IL7: variants seen among roughly 807,000 people sequenced by gnomAD.
IL7 encodes the protein interleukin 7, also known as interleukin-7.
Under a neutral mutation model 21.6 loss-of-function variants are expected in IL7, and 3 were observed. The ratio of observed to expected loss-of-function variants is 0.14; its 90% CI spans 0.06 to 0.36. The LOEUF is 0.36. Among genes scored for constraint, IL7 ranks in the 10% least tolerant of loss-of-function variants. The probability of loss-of-function intolerance (pLI) is 1.00; values close to 1 mark genes in which losing one functional copy is unlikely to be tolerated. For missense variants in IL7, 175 were observed against 200.2 expected (o/e 0.87, Z 0.76); for synonymous variants, 62 against 68.1 (o/e 0.91, Z 0.44).
chr8:78,778,782 A>G (rs375689885), intron 2 of IL7, among the ~76,000 whole-genome samples: 1 of 152,190 alleles, frequency 6.6e-6, no homozygotes, highest in African/African-American at 2.4e-5. Flanking sequence ...TCTGGGAAGA[A>G]TGTTAATGGT....
chr8:78,785,888 A>T (rs1256717746), intron 2 of IL7, among the ~76,000 whole-genome samples: 1 of 152,200 alleles, frequency 6.6e-6, no homozygotes, highest in Non-Finnish European at 1.5e-5. Context: ...AAAGCCTGGG[A>T]ACACAGCTAT....
At chr8:78,749,538 AT>A (rs1812099270) in intron 2 of IL7, among the ~76,000 whole-genome samples, 1 of 152,216 alleles carries the variant, frequency 6.6e-6, no homozygotes, top group Admixed American at 6.5e-5. Context: ...GCAGAGATCC[AT>A]GAGCAGAAAC....
chr8:78,715,316 G>A, downstream of IL7: 1 of 1,612,694 alleles, frequency 6.2e-7, no homozygotes, highest in Non-Finnish European at 8.5e-7. Context: ...TATACTGAGA[G>A]CTACATAGCC....
At position 78,685,836 on chromosome 8, in the gene IL7, A is replaced by T. The variant is rs557584752; in HGVS notation, n.273+53T>A. 2.6e-5 allele frequency: 4 copies of T among 152,346 alleles called. No individual in the cohort carries two copies. The South Asian group carries it at 8.3e-4, about 32-fold the overall frequency. 9.4% of individuals were successfully genotyped at this position (152,346 alleles called of 1,614,324 possible). A position where few individuals can be genotyped will look rare whatever the true frequency, so the allele number is the denominator to read the frequency against. On this transcript the variant is annotated intron_variant and non_coding_transcript_variant, in intron 4 of 4. Coordinates refer to the IL7 transcript ENST00000523959. ...GTGTTAGTCTCTTTTCTGCTGCTGT[A>T]ATAGAGTACCACAAACTGGATAATT...
intron 2 of IL7, chr8:78,762,272 T>C: frequency 3.2e-6 from 5 of 1,581,466 alleles, no homozygotes; most frequent in Middle Eastern, 2.0e-4. Context: ...ATAATGTTTA[T>C]TTAGCTGATC....
At chr8:78,710,518 T>G (rs1810919622) in intron 3 of IL7, among the ~76,000 whole-genome samples, 2 of 152,096 alleles carry the variant, frequency 1.3e-5, no homozygotes, top group African/African-American at 4.8e-5. Flanking sequence ...TGACCATTTC[T>G]TATCATATAA....
At chr8:78,706,746 A>C (rs1810786049) in intron 3 of IL7, among the ~76,000 whole-genome samples, 1 of 152,128 alleles carries the variant, frequency 6.6e-6, no homozygotes, top group Admixed American at 6.5e-5. Flanking sequence ...GCTCACATTC[A>C]TTTTGGTTTT....
At chr8:78,715,253 C>G (rs776409753), downstream of IL7, 3 of 1,613,692 alleles carry the variant, frequency 1.9e-6, no homozygotes, top group East Asian at 2.2e-5. Context: ...TCCACACCAC[C>G]TAGTTTGGCA....
intron 4 of IL7, among the ~76,000 whole-genome samples, chr8:78,682,545 A>G (rs546976895): frequency 2.4e-4 from 37 of 152,142 alleles, no homozygotes; most frequent in African/African-American, 8.4e-4. Context: ...CACAGGAAAA[A>G]CCTGCCCCCG....
At chr8:78,787,898 A>C (rs1217610760) in intron 2 of IL7, among the ~76,000 whole-genome samples, 1 of 152,202 alleles carries the variant, frequency 6.6e-6, no homozygotes, top group East Asian at 1.9e-4. Context: ...TCTGGAAGCC[A>C]TAAGTCTGAC....
At chr8:78,696,235 T>C (rs368554874) in intron 3 of IL7, among the ~76,000 whole-genome samples, 2 of 152,078 alleles carry the variant, frequency 1.3e-5, no homozygotes, top group African/African-American at 2.4e-5. Flanking sequence ...GGGGTTTCAC[T>C]GTGTTAGCCA....
intron 3 of IL7, among the ~76,000 whole-genome samples, chr8:78,701,880 AT>A (rs1339145211): frequency 6.6e-6 from 1 of 152,076 alleles, no homozygotes; most frequent in Non-Finnish European, 1.5e-5. Flanking sequence ...GTGCTGCTGG[AT>A]TTGATTTGCT....
chr8:78,687,095 G>A (rs923003311), intron 3 of IL7, among the ~76,000 whole-genome samples: 1 of 151,896 alleles, frequency 6.6e-6, no homozygotes, highest in Non-Finnish European at 1.5e-5. Context: ...TTTTCTCATT[G>A]AGCAGATAAA....
intron 2 of IL7, among the ~76,000 whole-genome samples, chr8:78,777,635 G>T (rs370149639): frequency 1.3e-5 from 2 of 151,920 alleles, no homozygotes; most frequent in Admixed American, 6.6e-5. Flanking sequence ...AAAAATTACT[G>T]ATTGAATGAC....
At chr8:78,787,004 G>A (rs1813531132) in intron 2 of IL7, among the ~76,000 whole-genome samples, 1 of 152,206 alleles carries the variant, frequency 6.6e-6, no homozygotes, top group African/African-American at 2.4e-5. Context: ...AACATGTGGA[G>A]GTATTTGGAG....
At chr8:78,686,475 A>C in intron 3 of IL7, 7 of 1,480,076 alleles carry the variant, frequency 4.7e-6, no homozygotes, top group Non-Finnish European at 5.4e-6. Flanking sequence ...AGCCAGAACC[A>C]CCAAAGAAAC....
Position 78,798,105 on chromosome 8 carries a change from C to T in IL7, c.114G>A (p.Glu38=), listed in dbSNP as rs756567417. 1 of 1,612,320 alleles carries T rather than the reference C, an allele frequency of 6.2e-7. No individual in the cohort carries two copies. Among genetic ancestry groups the T allele is most frequent in the Admixed American group, 1.7e-5 (1 of 59,932 alleles). The change falls in exon 2 of 6, where the codon GAG becomes GAA. Residue 38 remains glutamate, a synonymous_variant. Coordinates refer to ENST00000263851, the MANE Select transcript of IL7 (RefSeq NM_000880.4). ...DIEGKDGKQY[E]SVLMVSIDQL... Reference sequence around the variant, plus strand: ...GATCGATGCTGACCATTAGAACACTCTCATATTGTTTGCCATCTTTACCTT... The same window carrying T: ...GATCGATGCTGACCATTAGAACACTTTCATATTGTTTGCCATCTTTACCTT...
intron 3 of IL7, among the ~76,000 whole-genome samples, chr8:78,687,462 T>TTA (rs915792673): frequency 6.9e-6 from 1 of 145,698 alleles, no homozygotes; most frequent in Non-Finnish European, 1.5e-5. Flanking sequence ...ATATACATAA[T>TTA]TATATATATA....
chr8:78,730,008 A>G (rs759274670), downstream of IL7, among the ~76,000 whole-genome samples: 29 of 152,004 alleles, frequency 1.9e-4, no homozygotes, highest in Non-Finnish European at 3.5e-4. Flanking sequence ...TTCAGAAAGA[A>G]TGAAACACTT....
Sources: allele counts gnomAD v4.1 joint callset (sites outside exome capture counted in the v4.1 genomes callset), GRCh38; gene constraint gnomAD v4.1.1; transcripts MANE v1.5; gene names NCBI Gene and HGNC (gene_info 2026-07-23, HGNC 2026-07-21).